Variants in ARAP2 observed in about 807,000 individuals in gnomAD.
ARAP2 encodes arf-GAP with Rho-GAP domain, ANK repeat and PH domain-containing protein 2.
Under a neutral mutation model 194.5 loss-of-function variants are expected in ARAP2, and 148 were observed. That is an observed-to-expected ratio of 0.76 (90% CI 0.67 to 0.87). The LOEUF is 0.87. Ranked by LOEUF, ARAP2 falls within the 40% of genes least tolerant of loss-of-function variation. The probability of loss-of-function intolerance (pLI) is 0.00; values close to 1 mark genes in which losing one functional copy is unlikely to be tolerated. For missense variants in ARAP2, 2,128 were observed against 1,989.7 expected (o/e 1.07, Z -1.32); for synonymous variants, 695 against 683.5 (o/e 1.02, Z -0.26).
rs180822807 is a variant in ARAP2 at position 36,204,971 on chromosome 4, G to A, written c.1487+5419C>T. Among the ~76,000 whole-genome samples the A allele has an allele frequency of 2.0e-3, 226 of 111,612 alleles. 1 individual carries two copies. Among genetic ancestry groups the A allele is most frequent in the African/African-American group, 7.7e-3 (215 of 28,000 alleles). 73.2% of individuals were successfully genotyped at this position (111,612 alleles called of 152,430 possible). A position where few individuals can be genotyped will look rare whatever the true frequency, so the allele number is the denominator to read the frequency against. ...CCACTGCACTCCAGCCTGGGCAACC[G>A]AGCGAGACTCCATCTCAAAAAAAAA... On this transcript the variant is annotated intron_variant, in intron 6 of 32. Transcript: ENST00000303965.
rs1313528093 is a variant in ARAP2, at chr4:36,073,696, T to C, written c.4736A>G (p.Asn1579Ser). The C allele has an allele frequency of 6.2e-7, 1 of 1,610,962 alleles. No homozygotes were observed. The highest frequency in any genetic ancestry group is 1.3e-5 in the African/African-American group (1 of 74,804). Residue 1579 changes from asparagine (N) to serine (S), a missense_variant, in exon 32 of 33, where the codon AAT (asparagine) becomes AGT (serine). Asn to Ser is a conservative substitution (Grantham distance 46). Coordinates refer to ENST00000303965, the MANE Select transcript of ARAP2 (RefSeq NM_015230.4). ...HEGNATLARK[N>S]IESARAELER... ...AACAAAATCCTAACCTACCTCAATA[T>C]TTTTCCGGGCCAAGGTTGCATTCCC... is the stretch of plus-strand genomic sequence containing the variant.
intron 27 of ARAP2, among the ~76,000 whole-genome samples, chr4:36,106,893 A>G (rs964977268): frequency 5.3e-5 from 8 of 151,962 alleles, no homozygotes; most frequent in African/African-American, 1.9e-4. Context: ...TCCTTAGCTT[A>G]TTGAGTTGGA....
chr4:36,224,933 T>G (rs1749973493), intron 2 of ARAP2, among the ~76,000 whole-genome samples: 1 of 152,206 alleles, frequency 6.6e-6, no homozygotes, highest in African/African-American at 2.4e-5. Flanking sequence ...CTGATTACTT[T>G]TCTGTACTTT....
chr4:36,046,319 C>T (rs1721825117), intron 4 of ARAP2, among the ~76,000 whole-genome samples: 1 of 152,094 alleles, frequency 6.6e-6, no homozygotes, highest in Non-Finnish European at 1.5e-5. Context: ...TCTGGGACTA[C>T]AGGCTCATGC....
intron 27 of ARAP2, among the ~76,000 whole-genome samples, chr4:36,106,884 C>T (rs185732782): frequency 6.6e-6 from 1 of 151,836 alleles, no homozygotes; most frequent in African/African-American, 2.4e-5. Context: ...AAATTTCAAT[C>T]CTTAGCTTAT....
rs369422819 is a variant in ARAP2, at chr4:36,151,841, CAGAA to C, written c.2753-801_2753-798del. On this transcript the variant is annotated intron_variant, in intron 15 of 32. Coordinates refer to ENST00000303965, the MANE Select transcript of ARAP2 (RefSeq NM_015230.4). ...ACATAGGCATATATATACACATACTCAGAAAGAAAAATACAGCAAATGTAAAATG... is the reference window on the plus strand; with the variant it reads ...ACATAGGCATATATATACACATACTCAGAAAAATACAGCAAATGTAAAATG... Among the ~76,000 whole-genome samples, 930 of 152,098 alleles carry C rather than the reference CAGAA, an allele frequency of 6.1e-3. 10 individuals carry two copies. Among genetic ancestry groups the C allele is most frequent in the African/African-American group, 0.021 (875 of 41,504 alleles).
intron 2 of ARAP2, among the ~76,000 whole-genome samples, chr4:36,222,594 A>C (rs544194266): frequency 3.3e-5 from 5 of 152,230 alleles, no homozygotes. Context: ...AAAAGTACAA[A>C]AGCATGCACG....
intron 16 of ARAP2, among the ~76,000 whole-genome samples, chr4:36,150,652 A>C (rs1410709062): frequency 6.6e-6 from 1 of 152,048 alleles, no homozygotes; most frequent in Non-Finnish European, 1.5e-5. Flanking sequence ...AAAAAAAAAA[A>C]ATTTACATAA....
intron 16 of ARAP2, 142 bp downstream of exon 16, chr4:36,150,758 C>A: frequency 1.2e-6 from 1 of 863,366 alleles, no homozygotes; most frequent in Non-Finnish European, 1.7e-6. Flanking sequence ...TTTCAGAAGG[C>A]GCAAGATAAG....
At chr4:36,174,452 T>C (rs915205067) in intron 9 of ARAP2, among the ~76,000 whole-genome samples, 4 of 152,216 alleles carry the variant, frequency 2.6e-5, no homozygotes, top group Non-Finnish European at 4.4e-5. Context: ...GTTTTTACTA[T>C]GCCATTTTCT....
chr4:36,131,308 G>A (rs1026480966), intron 20 of ARAP2, among the ~76,000 whole-genome samples: 4 of 150,468 alleles, frequency 2.7e-5, no homozygotes, highest in African/African-American at 9.7e-5. Flanking sequence ...TATACTTTCA[G>A]TAGATATATA....
chr4:36,044,518 G>T (rs1454499408), intron 5 of ARAP2, among the ~76,000 whole-genome samples: 1 of 152,016 alleles, frequency 6.6e-6, no homozygotes, highest in African/African-American at 2.4e-5. Flanking sequence ...GCTGAAACTG[G>T]ACCTTTACCT....
At chr4:36,110,126 C>T (rs188245188) in intron 26 of ARAP2, among the ~76,000 whole-genome samples, 1 of 151,688 alleles carries the variant, frequency 6.6e-6, no homozygotes, top group Non-Finnish European at 1.5e-5. Context: ...GATGTGCATC[C>T]CAAACCTATC....
intron 9 of ARAP2, among the ~76,000 whole-genome samples, chr4:36,176,385 A>G (rs1189478092): frequency 6.6e-6 from 1 of 152,156 alleles, no homozygotes; most frequent in East Asian, 1.9e-4. Flanking sequence ...ATTTTCACTA[A>G]TCAGAAAGTG....
chr4:36,083,501 A>G, intron 28 of ARAP2, 51 bp from the exon 29 acceptor site: 1 of 1,296,276 alleles, frequency 7.7e-7, no homozygotes, highest in East Asian at 2.5e-5. Flanking sequence ...ACATTTCCTT[A>G]CATTTTCTTT....
intron 21 of ARAP2, 58 bp downstream of exon 21, chr4:36,128,475 T>TATACACACACAC (rs1724506179): frequency 3.9e-6 from 1 of 256,290 alleles, no homozygotes; most frequent in Non-Finnish European, 5.3e-6. Flanking sequence ...TGGTCTATAT[T>TATACACACACAC]ATACACACAC....
At chr4:36,058,647 T>C (rs1560336890) in intron 1 of ARAP2, among the ~76,000 whole-genome samples, 1 of 152,186 alleles carries the variant, frequency 6.6e-6, no homozygotes, top group Non-Finnish European at 1.5e-5. Context: ...ATTGTTCTTC[T>C]TCAAGCTACT....
intron 28 of ARAP2, among the ~76,000 whole-genome samples, chr4:36,090,365 C>A (rs1490604382): frequency 6.6e-6 from 1 of 151,970 alleles, no homozygotes; most frequent in Non-Finnish European, 1.5e-5. Context: ...TGAAACTATT[C>A]CAAAAAATTG....
chr4:36,167,970 A>G lies in ARAP2; in HGVS notation c.1858-923T>C, dbSNP rs563055489. Among the ~76,000 whole-genome samples, 12 of 152,204 alleles carry G rather than the reference A, an allele frequency of 7.9e-5. No homozygotes were observed. In the East Asian group the frequency reaches 2.1e-3, roughly 27 times the overall value. On this transcript the variant is annotated intron_variant, in intron 9 of 32. Transcript: ENST00000303965. The stretch of plus-strand genomic sequence containing the variant: ...CAGACTAAATGTGCTCTGAATTCCT[A>G]AATTATGACTAAAGAAAAGTAGCAA...
Sources: allele counts gnomAD v4.1 joint callset (sites outside exome capture counted in the v4.1 genomes callset), GRCh38; gene constraint gnomAD v4.1.1; transcripts MANE v1.5; gene names NCBI Gene and HGNC (gene_info 2026-07-23, HGNC 2026-07-21).